Variants in SPECC1L observed in about 807,000 individuals in gnomAD.
SPECC1L encodes sperm antigen with calponin homology and coiled-coil domains 1 like.
A neutral mutation model predicts 116.8 loss-of-function variants in SPECC1L; 40 were observed. The observed-to-expected ratio is 0.34, with a 90% CI of 0.27 to 0.45. The LOEUF is 0.45. Among genes scored for constraint, SPECC1L ranks in the 20% least tolerant of loss-of-function variants. SPECC1L has a pLI of 1.00. For missense variants in SPECC1L, 1,110 were observed against 1,373.6 expected (o/e 0.81, Z 3.03); for synonymous variants, 504 against 500.6 (o/e 1.01, Z -0.09).
chr22:24,328,738 G>A (rs1396657880), intron 6 of SPECC1L, 108 bp from the exon 7 acceptor site: 6 of 814,484 alleles, frequency 7.4e-6, no homozygotes, highest in South Asian at 1.6e-5. Flanking sequence ...ATAGTCTTTG[G>A]ACAGGATAAC....
At chr22:24,292,686 C>G (rs183493365) in intron 2 of SPECC1L, among the ~76,000 whole-genome samples, 16 of 152,164 alleles carry the variant, frequency 1.1e-4, no homozygotes, top group Admixed American at 9.2e-4. Context: ...CTTACCATTG[C>G]TTTGTCCTAT....
At chr22:24,355,586 AT>A (rs1436529215) in intron 11 of SPECC1L, among the ~76,000 whole-genome samples, 1 of 152,036 alleles carries the variant, frequency 6.6e-6, no homozygotes, top group African/African-American at 2.4e-5. Flanking sequence ...TCATTCCAGA[AT>A]TTTCCCTTCC....
chr22:24,407,486 C>A (rs1408470017), intron 14 of SPECC1L, among the ~76,000 whole-genome samples: 1 of 152,182 alleles, frequency 6.6e-6, no homozygotes, highest in Non-Finnish European at 1.5e-5. Flanking sequence ...GTGGTGAGGC[C>A]AGGCACGTCC....
At chr22:24,367,713 C>A (rs1001857115) in intron 13 of SPECC1L, among the ~76,000 whole-genome samples, 1 of 152,156 alleles carries the variant, frequency 6.6e-6, no homozygotes, top group African/African-American at 2.4e-5. Context: ...ATTAGAAAAG[C>A]TTCTGTTGTA....
At chr22:24,393,701 A>C (rs528138788) in intron 14 of SPECC1L, among the ~76,000 whole-genome samples, 13 of 152,276 alleles carry the variant, frequency 8.5e-5, no homozygotes, top group Admixed American at 3.3e-4. Context: ...AATTGCGTAT[A>C]AAGTTTACAA....
chr22:24,344,144 A>G (rs560261426), intron 10 of SPECC1L, among the ~76,000 whole-genome samples: 1 of 152,162 alleles, frequency 6.6e-6, no homozygotes, highest in East Asian at 1.9e-4. Context: ...AAACCAGACA[A>G]AGACATTGCA....
intron 2 of SPECC1L, among the ~76,000 whole-genome samples, chr22:24,279,043 C>A (rs1382132783): frequency 1.3e-5 from 2 of 152,136 alleles, no homozygotes; most frequent in African/African-American, 4.8e-5. Context: ...TGAAAGGTTC[C>A]GAAGGATGCA....
chr22:24,354,577 C>T (rs953724796), intron 11 of SPECC1L, among the ~76,000 whole-genome samples: 1 of 152,148 alleles, frequency 6.6e-6, no homozygotes, highest in East Asian at 1.9e-4. Context: ...CCCTGAAGTA[C>T]TTTCTGGCAC....
chr22:24,386,149 A>G (rs191830102), intron 14 of SPECC1L, among the ~76,000 whole-genome samples: 12 of 151,984 alleles, frequency 7.9e-5, no homozygotes, highest in Admixed American at 7.9e-4. Context: ...ACAAATTTCT[A>G]ACAAACTGGG....
At chr22:24,382,835 T>C (rs1311127174) in intron 14 of SPECC1L, among the ~76,000 whole-genome samples, 1 of 151,542 alleles carries the variant, frequency 6.6e-6, no homozygotes, top group Non-Finnish European at 1.5e-5. Context: ...ACAGTGAGCA[T>C]TGATCACACC....
At chr22:24,364,994 A>G (rs2041724423) in intron 12 of SPECC1L, among the ~76,000 whole-genome samples, 1 of 152,012 alleles carries the variant, frequency 6.6e-6, no homozygotes, top group African/African-American at 2.4e-5. Flanking sequence ...GCCTTTTCAC[A>G]GTTTTTTTGT....
chr22:24,408,070 G>C (rs1270548539), intron 14 of SPECC1L, among the ~76,000 whole-genome samples: 1 of 151,768 alleles, frequency 6.6e-6, no homozygotes, highest in Non-Finnish European at 1.5e-5. Flanking sequence ...GGGTGGCTGT[G>C]AGAGTGAAAG....
chr22:24,349,326 G>T (rs954691953), intron 11 of SPECC1L, among the ~76,000 whole-genome samples: 1 of 152,206 alleles, frequency 6.6e-6, no homozygotes, highest in African/African-American at 2.4e-5. Flanking sequence ...ACAGGCATGA[G>T]CCACCGCACC....
rs2042034930 is a variant in SPECC1L at position 24,379,951 on chromosome 22, TCTC to T, written c.3087+10634_3087+10636del. Reference sequence around the variant, plus strand: ...CAATCTCGGCTCACTGCAGCCTCCATCTCCTGGGATGCATCTCCATCTCCTTCT... The same window carrying T: ...CAATCTCGGCTCACTGCAGCCTCCATCTGGGATGCATCTCCATCTCCTTCT... On this transcript the variant is annotated intron_variant, in intron 14 of 16. Coordinates refer to ENST00000314328, the MANE Select transcript of SPECC1L (RefSeq NM_015330.6). 2.6e-5 allele frequency among the ~76,000 whole-genome samples: 4 copies of T among 152,242 alleles called. No individual in the cohort carries two copies. In the South Asian group the frequency reaches 8.3e-4, roughly 32 times the overall value.
At chr22:24,382,155 G>T (rs1284179369) in intron 14 of SPECC1L, among the ~76,000 whole-genome samples, 1 of 152,150 alleles carries the variant, frequency 6.6e-6, no homozygotes, top group East Asian at 1.9e-4. Flanking sequence ...AGGCATTGGG[G>T]ACTAACCAAG....
intron 2 of SPECC1L, among the ~76,000 whole-genome samples, chr22:24,284,622 A>G (rs1284807366): frequency 6.6e-6 from 1 of 152,002 alleles, no homozygotes; most frequent in African/African-American, 2.4e-5. Context: ...TTTTTAGTAG[A>G]GACGGGATTT....
intron 2 of SPECC1L, among the ~76,000 whole-genome samples, chr22:24,298,217 G>T (rs556576763): frequency 1.6e-4 from 24 of 152,222 alleles, no homozygotes; most frequent in South Asian, 1.0e-3. Flanking sequence ...AGTGGTCTGA[G>T]CATGTTTAAG....
intron 2 of SPECC1L, among the ~76,000 whole-genome samples, chr22:24,284,343 C>T (rs1017365092): frequency 7.9e-5 from 12 of 152,192 alleles, no homozygotes; most frequent in Middle Eastern, 3.4e-3. Flanking sequence ...AGTTCATAGA[C>T]GTAGAAGTAT....
chr22:24,273,533 A>C (rs1225336630), intron 1 of SPECC1L, among the ~76,000 whole-genome samples: 1 of 152,190 alleles, frequency 6.6e-6, no homozygotes, highest in East Asian at 1.9e-4. Flanking sequence ...AAATAAAGAG[A>C]GCCGAGAATC....
Sources: allele counts gnomAD v4.1 joint callset (sites outside exome capture counted in the v4.1 genomes callset), GRCh38; gene constraint gnomAD v4.1.1; transcripts MANE v1.5; gene names NCBI Gene and HGNC (gene_info 2026-07-23, HGNC 2026-07-21).